Variants in KRABD4 observed in about 807,000 individuals in gnomAD.
KRABD4 encodes the protein KRAB domain containing 4, also known as KRAB domain-containing protein 4.
the KRABD4 span, among the ~76,000 whole-genome samples, chrX:46,461,840 G>A: frequency 3.6e-5 from 4 of 111,472 alleles, no homozygotes; most frequent in Non-Finnish European, 5.7e-5. Context: ...GTCAGCCCCA[G>A]GCAGGATTGA....
chrX:46,463,221 G>A, the KRABD4 span: 1 of 1,211,949 alleles, frequency 8.3e-7, no homozygotes, highest in Non-Finnish European at 1.1e-6. Context: ...GAAGCCAGAT[G>A]TGATCTTCAG....
At chrX:46,454,662 C>T in the KRABD4 span, among the ~76,000 whole-genome samples, 3 of 110,077 alleles carry the variant, frequency 2.7e-5, no homozygotes, top group Non-Finnish European at 5.7e-5. Flanking sequence ...ATTAGCTGGG[C>T]GTGGTGGTGC....
the KRABD4 span, chrX:46,448,505 A>G: frequency 8.8e-6 from 1 of 113,335 alleles, no homozygotes; most frequent in African/African-American, 3.2e-5. Context: ...GGCTCACAGG[A>G]TAGCAGGTCC....
At chrX:46,462,478 C>A in the KRABD4 span, 1 of 346,397 alleles carries the variant, frequency 2.9e-6, no homozygotes, top group South Asian at 4.3e-5. Context: ...CCACTGCACT[C>A]CAGCCTGGGC....
chrX:46,448,557 G>C, the KRABD4 span: 1 of 113,307 alleles, frequency 8.8e-6, no homozygotes, highest in Non-Finnish European at 1.9e-5. Flanking sequence ...CCTCACTTCA[G>C]CTGAGACAAA....
the KRABD4 span, among the ~76,000 whole-genome samples, chrX:46,460,012 T>C: frequency 1.8e-5 from 2 of 112,289 alleles, no homozygotes; most frequent in Non-Finnish European, 3.8e-5. Flanking sequence ...ACAAGTAGGG[T>C]GTCACCTATA....
At chrX:46,457,623 G>GT in the KRABD4 span, among the ~76,000 whole-genome samples, 2,152 of 75,227 alleles carry the variant, frequency 0.029, 56 homozygotes, top group African/African-American at 0.074. Context: ...GCCTTTCAGA[G>GT]TTTTTTTTTT....
chrX:46,452,716 T>C, the KRABD4 span, among the ~76,000 whole-genome samples: 1 of 112,400 alleles, frequency 8.9e-6, no homozygotes, highest in African/African-American at 3.2e-5. Flanking sequence ...ATAGGATAAC[T>C]TTCTAAATAT....
At chrX:46,456,769 CT>C in the KRABD4 span, 1 of 322,589 alleles carries the variant, frequency 3.1e-6, no homozygotes, top group Non-Finnish European at 5.4e-6. Flanking sequence ...GGTTGTCCTG[CT>C]TACAGGATAC....
chrX:46,448,548 C>G, the KRABD4 span: 2 of 113,225 alleles, frequency 1.8e-5, no homozygotes, highest in African/African-American at 6.4e-5. Flanking sequence ...GCCTTTGTCC[C>G]TCACTTCAGC....
chrX:46,474,314 A>C, the KRABD4 span: 1 of 112,025 alleles, frequency 8.9e-6, no homozygotes, highest in Non-Finnish European at 1.9e-5. Context: ...AAACTGCAAA[A>C]GTTGTGGCCA....
At chrX:46,455,372 C>T in the KRABD4 span, 1 of 477,537 alleles carries the variant, frequency 2.1e-6, no homozygotes, top group Non-Finnish European at 3.8e-6. Context: ...TATTCATCCT[C>T]CTCAGGGAGT....
chrX:46,461,123 T>C, the KRABD4 span, among the ~76,000 whole-genome samples: 1 of 108,978 alleles, frequency 9.2e-6, no homozygotes, highest in African/African-American at 3.4e-5. Context: ...CCAGATAAAA[T>C]TGACTCTGGA....
At chrX:46,457,493 G>A in the KRABD4 span, among the ~76,000 whole-genome samples, 16 of 110,916 alleles carry the variant, frequency 1.4e-4, no homozygotes, top group Admixed American at 4.8e-4. Flanking sequence ...AAAGTGTGAT[G>A]CCATTTGAAA....
the KRABD4 span, among the ~76,000 whole-genome samples, chrX:46,464,283 T>C: frequency 3.6e-5 from 4 of 111,977 alleles, no homozygotes; most frequent in Non-Finnish European, 5.6e-5. Context: ...CTATTACTCT[T>C]CAGAGGGTGA....
At chrX:46,455,165 G>A in the KRABD4 span, 2 of 957,259 alleles carry the variant, frequency 2.1e-6, no homozygotes, top group East Asian at 3.5e-5. Flanking sequence ...TGATCACTAA[G>A]TAGAAGTTAT....
the KRABD4 span, among the ~76,000 whole-genome samples, chrX:46,451,501 A>AT: frequency 1.4e-3 from 158 of 110,468 alleles, no homozygotes; most frequent in Middle Eastern, 4.7e-3. Flanking sequence ...TAAGTTTTTA[A>AT]TTTTTTTTTA....
At chrX:46,466,897 G>T in the KRABD4 span, among the ~76,000 whole-genome samples, 1 of 112,067 alleles carries the variant, frequency 8.9e-6, no homozygotes, top group Non-Finnish European at 1.9e-5. Context: ...AAAAAACTCC[G>T]TGTTTCCTTT....
At chrX:46,472,796 A>G in the KRABD4 span, 1 of 1,211,907 alleles carries the variant, frequency 8.3e-7, no homozygotes, top group Non-Finnish European at 1.1e-6. Flanking sequence ...AGGAAAGCCA[A>G]GACAAACTTC....
Sources: gnomAD v4.1 joint callset for allele counts (sites outside exome capture counted in the v4.1 genomes callset) on GRCh38, gnomAD v4.1.1 for gene constraint, MANE v1.5 for transcripts, NCBI Gene and HGNC (gene_info 2026-07-23, HGNC 2026-07-21) for gene names.